KMO: variants seen among roughly 807,000 people sequenced by gnomAD.
KMO encodes the protein kynurenine 3-monooxygenase.
Under a neutral mutation model 57.8 loss-of-function variants are expected in KMO, and 24 were observed. That is an observed-to-expected ratio of 0.42 (90% CI 0.30 to 0.58). The LOEUF (loss-of-function observed/expected upper bound fraction) is 0.58. Ranked by LOEUF, KMO falls within the 20% of genes least tolerant of loss-of-function variation. The pLI is 0.22. For missense variants in KMO, 483 were observed against 588.2 expected (o/e 0.82, Z 1.85); for synonymous variants, 210 against 193.6 (o/e 1.08, Z -0.70).
chr1:241,551,676 T>G (rs535087134), intron 4 of KMO, among the ~76,000 whole-genome samples: 1 of 152,342 alleles, frequency 6.6e-6, no homozygotes, highest in East Asian at 1.9e-4. Flanking sequence ...TGAGAGAGAA[T>G]GAATGCACCA....
chr1:241,576,267 A>G (rs369104701), intron 10 of KMO, among the ~76,000 whole-genome samples: 27 of 151,386 alleles, frequency 1.8e-4, no homozygotes, highest in African/African-American at 6.3e-4. Context: ...GTTCAGCATT[A>G]GTATTGAGAT....
chr1:241,581,958 G>A (rs1662769167), intron 10 of KMO, among the ~76,000 whole-genome samples: 1 of 152,016 alleles, frequency 6.6e-6, no homozygotes, highest in African/African-American at 2.4e-5. Context: ...GACGGATCTG[G>A]TGTTGATGAA....
intron 4 of KMO, among the ~76,000 whole-genome samples, chr1:241,553,289 A>G (rs1661480901): frequency 6.6e-6 from 1 of 152,230 alleles, no homozygotes; most frequent in South Asian, 2.1e-4. Context: ...AAAGATATGG[A>G]GTAGACTAGA....
intron 7 of KMO, among the ~76,000 whole-genome samples, chr1:241,562,917 AAGAAGGAAGGAAGGAAGGAAGGAGAC>A (rs1482146416): frequency 0.03 from 855 of 28,644 alleles, 15 homozygotes; most frequent in African/African-American, 0.093. Context: ...GAAGGAAGGA[AAGAAGGAAGGAAGGAAGGAAGGAGAC>A]GGGAAGGGAA....
chr1:241,576,403 C>T (rs149241228), intron 10 of KMO, among the ~76,000 whole-genome samples: 1 of 152,066 alleles, frequency 6.6e-6, no homozygotes, highest in South Asian at 2.1e-4. Context: ...GCATATCAAC[C>T]TTTTGTTTCA....
chr1:241,580,362 AT>A lies in KMO; in HGVS notation c.958-6311del, dbSNP rs1662705416. 2.6e-5 allele frequency among the ~76,000 whole-genome samples: 4 copies of A among 152,000 alleles called. No homozygotes were observed. The South Asian group carries it at 8.3e-4, about 31-fold the overall frequency. On this transcript the variant is annotated intron_variant, in intron 10 of 14. Coordinates refer to ENST00000366559, the MANE Select transcript of KMO (RefSeq NM_003679.5). ...CCAATTCACTGTCTTAGGGGGAAAG[AT>A]TTTTTCTTTCTTCAACTAATTTTGG...
chr1:241,545,427 G>C (rs978950790), intron 1 of KMO, among the ~76,000 whole-genome samples: 6 of 152,162 alleles, frequency 3.9e-5, no homozygotes, highest in Non-Finnish European at 5.9e-5. Context: ...TGTCGGCAGG[G>C]TTGGTTCCTT....
chr1:241,540,851 C>A (rs1292315092), intron 1 of KMO, among the ~76,000 whole-genome samples: 1 of 151,942 alleles, frequency 6.6e-6, no homozygotes, highest in East Asian at 1.9e-4. Flanking sequence ...ATCACATGAA[C>A]CCAGGGGTTT....
At chr1:241,549,044 C>T in intron 2 of KMO, 146 bp downstream of exon 2, 1 of 556,966 alleles carries the variant, frequency 1.8e-6, no homozygotes. Context: ...ACAAAAAATA[C>T]AAAAATTAGC....
intron 1 of KMO, among the ~76,000 whole-genome samples, chr1:241,538,563 A>G (rs1660830244): frequency 6.6e-6 from 1 of 152,236 alleles, no homozygotes. Context: ...GAGATCAACT[A>G]GAAGTAAGCA....
intron 1 of KMO, among the ~76,000 whole-genome samples, chr1:241,544,650 T>A (rs959873927): frequency 2.0e-4 from 31 of 152,298 alleles, no homozygotes; most frequent in African/African-American, 7.5e-4. Flanking sequence ...AAAAAATTAA[T>A]CTTTTTCATG....
intron 1 of KMO, among the ~76,000 whole-genome samples, chr1:241,546,445 G>C (rs1661152947): frequency 6.6e-6 from 1 of 152,038 alleles, no homozygotes; most frequent in Non-Finnish European, 1.5e-5. Flanking sequence ...TACTGCTTGT[G>C]GAAAATAAAT....
Position 241,562,231 on chromosome 1 carries a change from A to C in KMO, c.514A>C (p.Thr172Pro). 6.2e-7 allele frequency: 1 copy of C among 1,614,154 alleles called. No individual in the cohort carries two copies. The highest frequency in any genetic ancestry group is 8.5e-7 in the Non-Finnish European group (1 of 1,179,976). The change falls in exon 7 of 15, where the codon ACT becomes CCT. Residue 172 changes from threonine (T) to proline (P), a missense_variant. By Grantham distance (38) the Thr-to-Pro change is conservative (BLOSUM62 -1). Around this residue, in one of 3 missense-constraint regions of KMO, gnomAD observed 410 missense variants for 492.3 expected, o/e 0.83. Transcript: ENST00000366559. ...LIVGCDGAYSTVRSHLMKKPR... is the reference protein window; with the variant it reads ...LIVGCDGAYSPVRSHLMKKPR... ...TGTAGGATGTGATGGAGCCTATTCA[A>C]CTGTCAGATCTCACCTGATGAAGAA...
chr1:241,584,678 T>C (rs1388507727), intron 10 of KMO, among the ~76,000 whole-genome samples: 1 of 152,212 alleles, frequency 6.6e-6, no homozygotes, highest in Non-Finnish European at 1.5e-5. Context: ...TTCATAATCA[T>C]TAATCATATA....
chr1:241,577,971 T>G (rs1662593897), intron 10 of KMO, among the ~76,000 whole-genome samples: 1 of 152,136 alleles, frequency 6.6e-6, no homozygotes, highest in Non-Finnish European at 1.5e-5. Context: ...CCTGACCCAG[T>G]GTTCTGGCTA....
In KMO at chr1:241,549,268, AG is replaced by A. The variant is rs1558414995; in HGVS notation, c.124+372del. On this transcript the variant is annotated intron_variant, in intron 2 of 14. Transcript: ENST00000366559. Reference sequence around the variant, plus strand: ...AAGAAAGAAAGAAAGAAAGAAAGAAAGGAAGGAAGAAAGAAAGAAAGGAGAA... The same window carrying A: ...AAGAAAGAAAGAAAGAAAGAAAGAAAGAAGGAAGAAAGAAAGAAAGGAGAA... Among the ~76,000 whole-genome samples, 58 of 124,428 alleles carry A rather than the reference AG, an allele frequency of 4.7e-4. 1 individual carries two copies. The highest frequency in any genetic ancestry group is 1.4e-3 in the African/African-American group (47 of 34,552). 81.6% of individuals were successfully genotyped at this position (124,428 alleles called of 152,430 possible).
chr1:241,571,714 TG>T (rs1558425160), intron 10 of KMO, among the ~76,000 whole-genome samples: 1 of 152,090 alleles, frequency 6.6e-6, no homozygotes, highest in African/African-American at 2.4e-5. Flanking sequence ...TTTGCATCTA[TG>T]TTTATCAGAG....
intron 5 of KMO, among the ~76,000 whole-genome samples, chr1:241,559,683 G>C (rs1312754971): frequency 1.3e-5 from 2 of 152,104 alleles, no homozygotes; most frequent in Non-Finnish European, 2.9e-5. Flanking sequence ...GAGGAGATAA[G>C]TACAGGCAGG....
chr1:241,582,731 G>A (rs1171956041), intron 10 of KMO, among the ~76,000 whole-genome samples: 1 of 152,110 alleles, frequency 6.6e-6, no homozygotes, highest in African/African-American at 2.4e-5. Flanking sequence ...CTATTTGAAA[G>A]GTCATATATC....
Sources: allele counts gnomAD v4.1 joint callset (sites outside exome capture counted in the v4.1 genomes callset), GRCh38; gene constraint gnomAD v4.1.1; regional missense constraint gnomAD v4.1.1; transcripts MANE v1.5; gene names NCBI Gene and HGNC (gene_info 2026-07-23, HGNC 2026-07-21).